Variants in LARGE1 observed in about 807,000 individuals in gnomAD.
LARGE1 encodes the protein xylosyl- and glucuronyltransferase LARGE1.
Under a neutral mutation model 87.6 loss-of-function variants are expected in LARGE1, and 43 were observed. The ratio of observed to expected loss-of-function variants is 0.49; its 90% CI spans 0.38 to 0.63. The LOEUF is 0.63. Ranked by LOEUF, LARGE1 falls within the 30% of genes least tolerant of loss-of-function variation. LARGE1 has a pLI of 0.00. For missense variants in LARGE1, 802 were observed against 1,000.2 expected (o/e 0.80, Z 2.67); for synonymous variants, 434 against 394.6 (o/e 1.10, Z -1.18).
intron 2 of LARGE1, among the ~76,000 whole-genome samples, chr22:33,673,607 C>T (rs928365987): frequency 1.3e-5 from 2 of 152,336 alleles, no homozygotes; most frequent in Non-Finnish European, 1.5e-5. Context: ...ATTTACACTG[C>T]TGTGCAGCCA....
chr22:33,260,576 G>C (rs143109367), intron 11 of LARGE1, among the ~76,000 whole-genome samples: 1 of 89,610 alleles, frequency 1.1e-5, no homozygotes, highest in Admixed American at 1.1e-4. Context: ...GATTAAATGA[G>C]ATAATGCCGG....
At chr22:33,503,760 C>T (rs1389522665) in intron 6 of LARGE1, among the ~76,000 whole-genome samples, 2 of 151,818 alleles carry the variant, frequency 1.3e-5, no homozygotes, top group African/African-American at 4.8e-5. Flanking sequence ...GATCGCATCA[C>T]TGCACTCTAG....
At position 33,304,375 on chromosome 22, in the gene LARGE1, G is replaced by A. The variant is rs113492643; in HGVS notation, c.1584C>T (p.Asn528=). The A allele has an allele frequency of 3.8e-5, 62 of 1,614,140 alleles. No homozygotes were observed. The highest frequency in any genetic ancestry group is 9.3e-5 in the African/African-American group (7 of 74,948). ...QGSEVLMSRH[N]VGYHIVYKEG... ...CCTTGTACACGATGTGGTAGCCCACGTTGTGGCGGCTCATAAGCACCTCAG... is the reference window on the plus strand; with the variant it reads ...CCTTGTACACGATGTGGTAGCCCACATTGTGGCGGCTCATAAGCACCTCAG... The change falls in exon 12 of 15, where the codon AAC becomes AAT. Residue 528 remains asparagine, a synonymous_variant. Coordinates refer to ENST00000397394, the MANE Select transcript of LARGE1 (RefSeq NM_133642.5).
the LARGE1 span, among the ~76,000 whole-genome samples, chr22:33,074,026 T>A: frequency 4.9e-4 from 75 of 152,304 alleles, no homozygotes; most frequent in East Asian, 5.2e-3. Context: ...CCGGGCTTAT[T>A]GTCTGCTCAT....
At chr22:33,373,941 T>C (rs1318326504) in intron 9 of LARGE1, among the ~76,000 whole-genome samples, 1 of 123,990 alleles carries the variant, frequency 8.1e-6, no homozygotes, top group Non-Finnish European at 1.5e-5. Flanking sequence ...GCCATTGCAC[T>C]CCAGCCTGGG....
intron 11 of LARGE1, among the ~76,000 whole-genome samples, chr22:33,218,409 T>C (rs1925308919): frequency 6.6e-6 from 1 of 152,208 alleles, no homozygotes; most frequent in Non-Finnish European, 1.5e-5. Context: ...ATACCTTGCA[T>C]GCACAAATAC....
In LARGE1 at chr22:33,717,593, C is replaced by T. The variant is rs192210125; in HGVS notation, c.106+43778G>A. 5.5e-3 allele frequency among the ~76,000 whole-genome samples: 837 copies of T among 152,306 alleles called. 1 individual carries two copies. Among genetic ancestry groups the T allele is most frequent in the Non-Finnish European group, 7.9e-3 (539 of 68,026 alleles). ...CCACTTGAGAACACTCAAATCCCCA[C>T]AGTGGAATCGAGGGCTTGAAGCCAC... On this transcript the variant is annotated intron_variant, in intron 2 of 14. Coordinates refer to ENST00000397394, the MANE Select transcript of LARGE1 (RefSeq NM_133642.5).
At chr22:33,682,126 A>T (rs2081792358) in intron 2 of LARGE1, among the ~76,000 whole-genome samples, 1 of 152,228 alleles carries the variant, frequency 6.6e-6, no homozygotes, top group African/African-American at 2.4e-5. Flanking sequence ...ATCACCTGAC[A>T]CGTTAACGTG....
At chr22:33,291,261 C>T (rs1349570125) in intron 12 of LARGE1, among the ~76,000 whole-genome samples, 2 of 152,134 alleles carry the variant, frequency 1.3e-5, no homozygotes, top group African/African-American at 4.8e-5. Flanking sequence ...GAGTGAAGAC[C>T]CGGGAGAAGA....
intron 6 of LARGE1, among the ~76,000 whole-genome samples, chr22:33,471,533 T>C (rs1346190729): frequency 6.6e-6 from 1 of 152,196 alleles, no homozygotes; most frequent in Non-Finnish European, 1.5e-5. Context: ...ATGAATTTTT[T>C]TGTATTTTAT....
At chr22:33,764,836 C>T (rs570852446) in intron 1 of LARGE1, among the ~76,000 whole-genome samples, 7 of 152,196 alleles carry the variant, frequency 4.6e-5, no homozygotes, top group Non-Finnish European at 8.8e-5. Context: ...ATAGTTATAC[C>T]GTATTGTTTA....
At chr22:33,896,574 C>A (rs377006658) in intron 1 of LARGE1, among the ~76,000 whole-genome samples, 26 of 152,234 alleles carry the variant, frequency 1.7e-4, no homozygotes, top group African/African-American at 6.3e-4. Context: ...AAAAGGTGCC[C>A]AAGTGACTGA....
At chr22:33,451,194 G>T (rs984418832) in intron 6 of LARGE1, among the ~76,000 whole-genome samples, 2 of 151,916 alleles carry the variant, frequency 1.3e-5, no homozygotes, top group Non-Finnish European at 2.9e-5. Flanking sequence ...TATCCTTTCC[G>T]ATGGAGGCAT....
At chr22:33,487,418 G>C (rs1049324752) in intron 6 of LARGE1, among the ~76,000 whole-genome samples, 2 of 152,138 alleles carry the variant, frequency 1.3e-5, no homozygotes, top group African/African-American at 4.8e-5. Flanking sequence ...CAGTCTAACG[G>C]GTTTCTTGAC....
the LARGE1 span, among the ~76,000 whole-genome samples, chr22:33,103,953 G>A: frequency 4.6e-5 from 7 of 152,282 alleles, no homozygotes; most frequent in East Asian, 1.2e-3. Context: ...TGTAAGAAGT[G>A]CCTTTCACCT....
chr22:33,861,102 CTCT>C (rs1348437830), intron 1 of LARGE1, among the ~76,000 whole-genome samples: 5 of 152,148 alleles, frequency 3.3e-5, no homozygotes, highest in Non-Finnish European at 7.3e-5. Flanking sequence ...TCGAACACCT[CTCT>C]TCTTCCTCCT....
intron 6 of LARGE1, among the ~76,000 whole-genome samples, chr22:33,456,297 AC>A (rs1168542432): frequency 2.0e-5 from 3 of 152,208 alleles, no homozygotes; most frequent in Admixed American, 2.0e-4. Flanking sequence ...ACAATCACCA[AC>A]CCCATCTATA....
intron 6 of LARGE1, among the ~76,000 whole-genome samples, chr22:33,434,103 C>T (rs2067180259): frequency 6.6e-6 from 1 of 152,142 alleles, no homozygotes; most frequent in Non-Finnish European, 1.5e-5. Flanking sequence ...AAGCTTAGGA[C>T]ATTTGTGCAG....
chr22:33,086,198 T>A, the LARGE1 span, among the ~76,000 whole-genome samples: 189 of 152,188 alleles, frequency 1.2e-3, 2 homozygotes, highest in African/African-American at 3.9e-3. Context: ...TTTGGATTTT[T>A]AAAAAAAATC....
Sources: allele counts gnomAD v4.1 joint callset (sites outside exome capture counted in the v4.1 genomes callset), GRCh38; gene constraint gnomAD v4.1.1; transcripts MANE v1.5; gene names NCBI Gene and HGNC (gene_info 2026-07-23, HGNC 2026-07-21).